The following SMARCD3 variants were observed in gnomAD, a reference collection of about 807,000 sequenced individuals.
The protein encoded by SMARCD3 is SWI/SNF related BAF chromatin remodeling complex subunit D3.
In SMARCD3, 14 loss-of-function variants were observed where a neutral mutation model predicts 58.0. The ratio of observed to expected loss-of-function variants is 0.24; its 90% CI spans 0.16 to 0.38. The LOEUF (loss-of-function observed/expected upper bound fraction) is 0.38. SMARCD3 is among the 10% of genes least tolerant of loss of function. The probability of loss-of-function intolerance (pLI) is 1.00; values close to 1 mark genes in which losing one functional copy is unlikely to be tolerated. For synonymous variants in SMARCD3, 253 were observed against 253.8 expected (o/e 1.00, Z 0.03); for missense variants, 408 against 636.9 (o/e 0.64, Z 3.87).
chr7:151,254,779 T>C (rs1803647523), intron 2 of SMARCD3, among the ~76,000 whole-genome samples: 1 of 152,192 alleles, frequency 6.6e-6, no homozygotes, highest in Admixed American at 6.5e-5. Flanking sequence ...GGGAAGCTTC[T>C]GAGGACTTGT....
intron 10 of SMARCD3, 106 bp downstream of exon 10, chr7:151,240,006 T>TTA (rs1563643130): frequency 2.8e-5 from 32 of 1,140,430 alleles, no homozygotes; most frequent in Admixed American, 5.3e-5. Context: ...TTTTTTTTTT[T>TTA]AATTTAACCC....
In SMARCD3 at chr7:151,238,906, TC is replaced by T. The variant is rs1802801687; in HGVS notation, c.*196del. On this transcript the variant is annotated 3_prime_UTR_variant, in exon 13 of 13. Transcript: ENST00000262188. ...GAGTCGTCCCGAGGGACCCACTGCCTCCCCACCTTCTTCCCTTCCCCTTCTC... is the reference window on the plus strand; with the variant it reads ...GAGTCGTCCCGAGGGACCCACTGCCTCCCACCTTCTTCCCTTCCCCTTCTC... 3.6e-6 allele frequency: 4 copies of T among 1,124,156 alleles called. No individual in the cohort carries two copies. The highest frequency in any genetic ancestry group is 5.1e-6 in the Non-Finnish European group (4 of 781,484). 69.6% of individuals were successfully genotyped at this position (1,124,156 alleles called of 1,614,324 possible).
Position 151,246,848 on chromosome 7 carries a change from A to T in SMARCD3, c.79-1177T>A, listed in dbSNP as rs1213923820. Reference sequence around the variant, plus strand: ...AGAGCGGGGTGGGATGGGGACTGGGACCACGAAAGCAGGAAGAAGATCAGA... The same window carrying T: ...AGAGCGGGGTGGGATGGGGACTGGGTCCACGAAAGCAGGAAGAAGATCAGA... On this transcript the variant is annotated intron_variant, in intron 1 of 12. Coordinates refer to ENST00000262188, the MANE Select transcript of SMARCD3 (RefSeq NM_001003801.2). The surrounding 1 kb of genome is among the most constrained non-coding windows in gnomAD (Gnocchi z 4.4). Among the ~76,000 whole-genome samples, 1 of 152,086 alleles carries T rather than the reference A, an allele frequency of 6.6e-6. No individual in the cohort carries two copies. The highest frequency in any genetic ancestry group is 2.4e-5 in the African/African-American group (1 of 41,388).
chr7:151,260,435 A>T (rs2075574272), intron 2 of SMARCD3, among the ~76,000 whole-genome samples: 1 of 152,170 alleles, frequency 6.6e-6, no homozygotes, highest in African/African-American at 2.4e-5. Flanking sequence ...TCTGAAATAA[A>T]TTTCAAATTT....
At position 151,243,518 on chromosome 7, in the gene SMARCD3, G is replaced by A. The variant is rs527993318; in HGVS notation, c.333+141C>T. On this transcript the variant is annotated intron_variant, in intron 3 of 12. Transcript: ENST00000262188. This position sits in a 1 kb window ranked among gnomAD's most constrained non-coding sequence, Gnocchi z 4.4. ...ACCTCACCCCCTCCCTCTGGCCTGCGGAGCCTCACTTATTAATGAGCTTTT... is the reference window on the plus strand; with the variant it reads ...ACCTCACCCCCTCCCTCTGGCCTGCAGAGCCTCACTTATTAATGAGCTTTT... 9 of 662,160 alleles carry A rather than the reference G, an allele frequency of 1.4e-5. No individual in the cohort carries two copies. The highest frequency in any genetic ancestry group is 2.7e-5 in the East Asian group (1 of 37,078). The allele number at this position is 662,160 out of a possible 1,614,324, so 41.0% of individuals were successfully genotyped here.
At chr7:151,266,796 G>A (rs547160710) in intron 2 of SMARCD3, among the ~76,000 whole-genome samples, 2 of 152,258 alleles carry the variant, frequency 1.3e-5, no homozygotes, top group African/African-American at 2.4e-5. Context: ...ATTACAGCAT[G>A]GACCTCCTGG....
At chr7:151,267,402 C>A (rs540640793) in intron 2 of SMARCD3, among the ~76,000 whole-genome samples, 1 of 152,326 alleles carries the variant, frequency 6.6e-6, no homozygotes, top group Non-Finnish European at 1.5e-5. Context: ...GTTTTCTGAT[C>A]ATAAGGTCCG....
chr7:151,259,799 G>A (rs772626923), intron 2 of SMARCD3, among the ~76,000 whole-genome samples: 13 of 151,770 alleles, frequency 8.6e-5, no homozygotes, highest in African/African-American at 1.7e-4. Context: ...TAGTAGAGAC[G>A]GGGTTTCACC....
At chr7:151,250,166 T>C (rs866242953), upstream of SMARCD3, among the ~76,000 whole-genome samples, 1 of 152,122 alleles carries the variant, frequency 6.6e-6, no homozygotes, top group Admixed American at 6.5e-5. Flanking sequence ...CTGCTGGCCC[T>C]GGTTGTGCTC....
chr7:151,242,925 AG>A lies in SMARCD3; in HGVS notation c.334-83del, dbSNP rs1803072111. On this transcript the variant is annotated intron_variant, in intron 3 of 12. Coordinates refer to ENST00000262188, the MANE Select transcript of SMARCD3 (RefSeq NM_001003801.2). This position sits in a 1 kb window ranked among gnomAD's most constrained non-coding sequence, Gnocchi z 4.7. ...GAATGTATGCATGTTGTGCAATCCT[AG>A]GGTACAAAAGATGTCAGGGGAGCCA... 4.6e-6 allele frequency: 7 copies of A among 1,530,372 alleles called. No homozygotes were observed. Among genetic ancestry groups the A allele is most frequent in the Non-Finnish European group, 6.2e-6 (7 of 1,131,258 alleles). The allele number at this position is 1,530,372 out of a possible 1,614,324, so 94.8% of individuals were successfully genotyped here.
At chr7:151,258,268 A>G (rs1803769164) in intron 2 of SMARCD3, among the ~76,000 whole-genome samples, 1 of 151,976 alleles carries the variant, frequency 6.6e-6, no homozygotes, top group Non-Finnish European at 1.5e-5. Context: ...CAGGTTCTTT[A>G]AAAAGGGAGT....
chr7:151,276,039 C>T (rs1795328914), intron 1 of SMARCD3, among the ~76,000 whole-genome samples: 1 of 150,010 alleles, frequency 6.7e-6, no homozygotes, highest in Admixed American at 6.7e-5. Context: ...AGGCTGGAGA[C>T]AGGGAGTGCT....
intron 2 of SMARCD3, among the ~76,000 whole-genome samples, chr7:151,260,292 AGATCCCT>A (rs59285593): frequency 0.073 from 11,146 of 152,094 alleles, 1,368 homozygotes; most frequent in African/African-American, 0.25. Context: ...AAGGAAATCA[AGATCCCT>A]GGAAGCCTGC....
Position 151,242,897 on chromosome 7 carries a change from A to G in SMARCD3, c.334-54T>C. 1 of 1,597,242 alleles carries G rather than the reference A, an allele frequency of 6.3e-7. No homozygotes were observed. Among genetic ancestry groups the G allele is most frequent in the Non-Finnish European group, 8.5e-7 (1 of 1,171,308 alleles). On this transcript the variant is annotated intron_variant, in intron 3 of 12. Coordinates refer to ENST00000262188, the MANE Select transcript of SMARCD3 (RefSeq NM_001003801.2). This position sits in a 1 kb window ranked among gnomAD's most constrained non-coding sequence, Gnocchi z 4.7. Reference sequence around the variant, plus strand: ...AGAGGCTCAAGTCCAGGGTTGTACCATGGAATGTATGCATGTTGTGCAATC... The same window carrying G: ...AGAGGCTCAAGTCCAGGGTTGTACCGTGGAATGTATGCATGTTGTGCAATC...
chr7:151,267,604 G>A (rs1022118269), intron 2 of SMARCD3, among the ~76,000 whole-genome samples: 8 of 152,194 alleles, frequency 5.3e-5, no homozygotes, highest in African/African-American at 1.9e-4. Context: ...ATTCAGATCT[G>A]TTCTAGGGGG....
Position 151,248,588 on chromosome 7 carries a change from A to ACTCTCT in SMARCD3, c.-32_-27dup. ...CGGGGTGGGCTCAGCGGCTCCTCTC[A>ACTCTCT]CTCTCTCTCTCTCTTCCTCTTTCTT... On this transcript the variant is annotated 5_prime_UTR_variant, in exon 1 of 13. Transcript: ENST00000262188. This position sits in a 1 kb window ranked among gnomAD's most constrained non-coding sequence, Gnocchi z 6.1. 1 of 1,582,534 alleles carries ACTCTCT rather than the reference A, an allele frequency of 6.3e-7. No individual in the cohort carries two copies. Among genetic ancestry groups the ACTCTCT allele is most frequent in the East Asian group, 2.3e-5 (1 of 43,538 alleles).
chr7:151,245,752 C>T lies in SMARCD3; in HGVS notation c.79-81G>A. 1 of 390,362 alleles carries T rather than the reference C, an allele frequency of 2.6e-6. No homozygotes were observed. Among genetic ancestry groups the T allele is most frequent in the Non-Finnish European group, 4.5e-6 (1 of 222,864 alleles). 24.2% of individuals were successfully genotyped at this position (390,362 alleles called of 1,614,324 possible). A position where few individuals can be genotyped will look rare whatever the true frequency, so the allele number is the denominator to read the frequency against. ...CCCCGCTCCAGGCGCGGTGAGCCGG[C>T]GTCTCCCCTCCCCCACCAGACCCTC... On this transcript the variant is annotated intron_variant, in intron 1 of 12. Coordinates refer to ENST00000262188, the MANE Select transcript of SMARCD3 (RefSeq NM_001003801.2). This position sits in a 1 kb window ranked among gnomAD's most constrained non-coding sequence, Gnocchi z 6.2.
chr7:151,263,518 G>A (rs79567020), intron 2 of SMARCD3, among the ~76,000 whole-genome samples: 30,999 of 152,006 alleles, frequency 0.2, 3,600 homozygotes, highest in Non-Finnish European at 0.27. Context: ...CATCTACATC[G>A]CCATATCTTT....
intron 2 of SMARCD3, among the ~76,000 whole-genome samples, chr7:151,258,746 C>T (rs530651135): frequency 2.6e-4 from 39 of 152,028 alleles, no homozygotes; most frequent in Non-Finnish European, 4.3e-4. Flanking sequence ...CTATCTCCCC[C>T]GCCACCTTCT....
Sources: allele counts gnomAD v4.1 joint callset (sites outside exome capture counted in the v4.1 genomes callset), GRCh38; gene constraint gnomAD v4.1.1; non-coding constraint Gnocchi (gnomAD v3.1); transcripts MANE v1.5; gene names NCBI Gene and HGNC (gene_info 2026-07-23, HGNC 2026-07-21).